Variants in TLL1 observed in about 807,000 individuals in gnomAD.
TLL1 encodes the protein tolloid-like protein 1.
Under a neutral mutation model 128.2 loss-of-function variants are expected in TLL1, and 49 were observed. The ratio of observed to expected loss-of-function variants is 0.38; its 90% CI spans 0.30 to 0.48. The LOEUF (loss-of-function observed/expected upper bound fraction) is 0.48. Ranked by LOEUF, TLL1 falls within the 20% of genes least tolerant of loss-of-function variation. TLL1 has a pLI of 0.96. For synonymous variants in TLL1, 454 were observed against 418.8 expected, an observed-to-expected ratio of 1.08 and a Z score of -1.03; for missense variants, 1,123 against 1,242.0, an observed-to-expected ratio of 0.90 and a Z score of 1.44.
At chr4:165,984,385 T>C (rs1736300178) in intron 1 of TLL1, among the ~76,000 whole-genome samples, 1 of 151,974 alleles carries the variant, frequency 6.6e-6, no homozygotes, top group East Asian at 1.9e-4. Flanking sequence ...CTAAAATATA[T>C]GTCTTAGAAC....
intron 9 of TLL1, chr4:166,030,414 T>G (rs767772295): frequency 3.8e-6 from 2 of 532,794 alleles, no homozygotes; most frequent in Non-Finnish European, 6.9e-6. Context: ...AAGCACTGAT[T>G]AGAGATATGA....
intron 12 of TLL1, among the ~76,000 whole-genome samples, chr4:166,052,965 G>GTA (rs61229255): frequency 0.15 from 15,344 of 99,588 alleles, 2,614 homozygotes; most frequent in South Asian, 0.18. Flanking sequence ...GAGGTTATGT[G>GTA]TATATATATA....
chr4:166,077,409 A>C (rs1469255127), intron 17 of TLL1, among the ~76,000 whole-genome samples: 3 of 152,148 alleles, frequency 2.0e-5, no homozygotes, highest in Non-Finnish European at 4.4e-5. Flanking sequence ...GTAGGTATTC[A>C]AGTGTATATT....
At chr4:166,057,114 G>A (rs1435079778) in intron 13 of TLL1, 70 bp from the exon 14 acceptor site, 3 of 1,587,818 alleles carry the variant, frequency 1.9e-6, no homozygotes, top group Non-Finnish European at 2.6e-6. Context: ...TGGGGACACA[G>A]CCAAACCATT....
chr4:165,891,944 A>G (rs1731434169), intron 1 of TLL1, among the ~76,000 whole-genome samples: 1 of 152,230 alleles, frequency 6.6e-6, no homozygotes, highest in African/African-American at 2.4e-5. Flanking sequence ...GCTAAGAAAG[A>G]CAAACCTGAG....
Position 166,099,402 on chromosome 4 carries a change from C to T in TLL1, c.2782C>T (p.Arg928Ter), listed in dbSNP as rs569659122. 4 of 1,613,500 alleles carry T rather than the reference C, an allele frequency of 2.5e-6. No homozygotes were observed. Among genetic ancestry groups the T allele is most frequent in the South Asian group, 1.1e-5 (1 of 91,060 alleles). The change falls in exon 20 of 21, where the codon CGA (arginine) becomes TGA (stop). Residue 928 changes from arginine (R) to a stop codon, truncating the protein, a stop_gained. Transcript: ENST00000061240. LOFTEE classifies it high-confidence loss of function. ...GCTATTAGTATCAGAACGGGGCTCTCGACTTGAATTATCCTTCCAGACATT... is the reference window on the plus strand; with the variant it reads ...GCTATTAGTATCAGAACGGGGCTCTTGACTTGAATTATCCTTCCAGACATT... ...EWLLVSERGS[R>*]LELSFQTFEV...
intron 17 of TLL1, 143 bp from the exon 18 acceptor site, chr4:166,077,760 A>G (rs562826245): frequency 3.8e-6 from 4 of 1,049,042 alleles, no homozygotes; most frequent in East Asian, 2.6e-5. Context: ...GAGCAGATGA[A>G]TATAATAACC....
intron 12 of TLL1, among the ~76,000 whole-genome samples, chr4:166,048,238 G>GAAAAAAA (rs56801648): frequency 3.0e-5 from 3 of 100,680 alleles, no homozygotes; most frequent in Non-Finnish European, 2.1e-5. Context: ...TTCCGTCTCG[G>GAAAAAAA]AAAAAAAAAA....
chr4:166,062,508 G>T (rs1174395585), intron 15 of TLL1, among the ~76,000 whole-genome samples: 1 of 152,064 alleles, frequency 6.6e-6, no homozygotes, highest in African/African-American at 2.4e-5. Context: ...CTCATGATTT[G>T]GCTCTCTGTT....
At chr4:166,041,806 C>T (rs1213114110) in intron 10 of TLL1, among the ~76,000 whole-genome samples, 1 of 152,178 alleles carries the variant, frequency 6.6e-6, no homozygotes, top group African/African-American at 2.4e-5. Context: ...CAGTCAGCTA[C>T]TCTGAGGCTG....
At chr4:166,078,592 G>A (rs1437155576) in intron 18 of TLL1, among the ~76,000 whole-genome samples, 2 of 152,238 alleles carry the variant, frequency 1.3e-5, no homozygotes, top group South Asian at 4.1e-4. Flanking sequence ...TGAGTATAAT[G>A]TCTCATCTCT....
intron 1 of TLL1, among the ~76,000 whole-genome samples, chr4:165,934,203 C>T (rs1196438268): frequency 4.0e-4 from 52 of 129,204 alleles, no homozygotes; most frequent in African/African-American, 7.7e-4. Flanking sequence ...TTAGTAGGGA[C>T]GGGGTTTCAC....
At position 166,103,524 on chromosome 4, in the gene TLL1, T is replaced by C. The variant is rs1465071482; in HGVS notation, c.*2648T>C. On this transcript the variant is annotated 3_prime_UTR_variant, in exon 21 of 21. Transcript: ENST00000061240. Reference sequence around the variant, plus strand: ...CATCTTATTAGGCCATAGTGAGCTATGCTCTGCACAACTGAGAAATTAGGT... The same window carrying C: ...CATCTTATTAGGCCATAGTGAGCTACGCTCTGCACAACTGAGAAATTAGGT... 8 of 152,000 alleles carry C rather than the reference T, an allele frequency of 5.3e-5. No homozygotes were observed. Among genetic ancestry groups the C allele is most frequent in the Admixed American group, 3.9e-4 (6 of 15,212 alleles). 9.4% of individuals were successfully genotyped at this position (152,000 alleles called of 1,614,324 possible). A position where few individuals can be genotyped will look rare whatever the true frequency, so the allele number is the denominator to read the frequency against.
chr4:166,078,409 A>G (rs942426020), intron 18 of TLL1, among the ~76,000 whole-genome samples: 1 of 152,206 alleles, frequency 6.6e-6, no homozygotes, highest in Non-Finnish European at 1.5e-5. Flanking sequence ...ACCCGGCATA[A>G]CATATTCTAC....
chr4:165,994,455 C>G lies in TLL1; in HGVS notation c.436C>G (p.Pro146Ala), dbSNP rs991649640. 1 of 1,613,980 alleles carries G rather than the reference C, an allele frequency of 6.2e-7. No individual in the cohort carries two copies. The highest frequency in any genetic ancestry group is 1.3e-5 in the African/African-American group (1 of 75,042). ...AGGGCAAAATGAGAAAAATCGAGTTCCCAGAGCCGCTACATCAAGAACGGA... is the reference window on the plus strand; with the variant it reads ...AGGGCAAAATGAGAAAAATCGAGTTGCCAGAGCCGCTACATCAAGAACGGA... Reference protein sequence around the residue: ...FSGQNEKNRVPRAATSRTERI... With the variant: ...FSGQNEKNRVARAATSRTERI... The change falls in exon 4 of 21, where the codon CCC (proline) becomes GCC (alanine). Residue 146 changes from proline to alanine, a missense_variant. Physicochemically the swap from Pro to Ala is conservative, Grantham distance 27. This residue lies in a region of TLL1 where 480 missense variants were observed against 542.4 expected (regional missense o/e 0.89). Transcript: ENST00000061240.
intron 9 of TLL1, among the ~76,000 whole-genome samples, chr4:166,035,699 C>G (rs991100858): frequency 1.4e-4 from 22 of 152,234 alleles, no homozygotes; most frequent in African/African-American, 5.1e-4. Context: ...ATTCCAGAGA[C>G]TGGCAAACAT....
intron 3 of TLL1, 128 bp from the exon 4 acceptor site, chr4:165,994,253 G>A: frequency 9.7e-7 from 1 of 1,027,904 alleles, no homozygotes; most frequent in Non-Finnish European, 1.5e-6. Context: ...TTTCTTTAAT[G>A]CATTTTGACT....
chr4:165,994,431 G>C lies in TLL1; in HGVS notation c.412G>C (p.Gly138Arg). ...GGGAAAAGTACCTCTACAATTCTCA[G>C]GGCAAAATGAGAAAAATCGAGTTCC... The part of the protein sequence containing the change: ...VKGKVPLQFS[G>R]QNEKNRVPRA... The change falls in exon 4 of 21, where the codon GGG becomes CGG. Residue 138 changes from glycine to arginine, a missense_variant. Transcript: ENST00000061240. 6.2e-7 allele frequency: 1 copy of C among 1,613,950 alleles called. No homozygotes were observed. Among genetic ancestry groups the C allele is most frequent in the Non-Finnish European group, 8.5e-7 (1 of 1,179,946 alleles).
intron 1 of TLL1, among the ~76,000 whole-genome samples, chr4:165,972,210 G>C (rs1306775710): frequency 6.6e-6 from 1 of 152,128 alleles, no homozygotes; most frequent in East Asian, 1.9e-4. Context: ...AGTCAAACCT[G>C]GGACAAGACT....
Sources: gnomAD v4.1 joint callset for allele counts (sites outside exome capture counted in the v4.1 genomes callset) on GRCh38, gnomAD v4.1.1 for gene constraint, gnomAD v4.1.1 regional missense constraint, MANE v1.5 for transcripts, NCBI Gene and HGNC (gene_info 2026-07-23, HGNC 2026-07-21) for gene names.